Variants in GAS2L3 observed in about 807,000 individuals in gnomAD.
GAS2L3 encodes GAS2-like protein 3.
GAS2L3 carries 28 observed loss-of-function variants against 37.0 expected under a neutral mutation model. The observed-to-expected ratio is 0.76, with a 90% CI of 0.56 to 1.04. The LOEUF is 1.04. Among genes scored for constraint, GAS2L3 ranks in the 50% least tolerant of loss-of-function variants. GAS2L3 has a pLI of 0.00. For missense variants in GAS2L3, 793 were observed against 817.6 expected (o/e 0.97, Z 0.37); for synonymous variants, 290 against 296.6 (o/e 0.98, Z 0.23).
At chr12:100,574,180 G>A (rs1255359951) in intron 1 of GAS2L3, among the ~76,000 whole-genome samples, 2 of 152,198 alleles carry the variant, frequency 1.3e-5, no homozygotes, top group East Asian at 3.9e-4. Flanking sequence ...GGGATCTTCA[G>A]GGGCACCCTC....
intron 1 of GAS2L3, among the ~76,000 whole-genome samples, chr12:100,583,360 A>T (rs1286441672): frequency 6.6e-6 from 1 of 152,252 alleles, no homozygotes; most frequent in Admixed American, 6.5e-5. Context: ...TTTACTTAAG[A>T]TGTAAAAATG....
At chr12:100,581,116 G>A (rs35705) in intron 1 of GAS2L3, among the ~76,000 whole-genome samples, 77,623 of 152,022 alleles carry the variant, frequency 0.51, 20,257 homozygotes, top group South Asian at 0.7. Context: ...AAAAGCCTTC[G>A]TGTTTTCTGA....
At chr12:100,611,657 A>C (rs559213041) in intron 5 of GAS2L3, among the ~76,000 whole-genome samples, 1 of 152,176 alleles carries the variant, frequency 6.6e-6, no homozygotes, top group African/African-American at 2.4e-5. Flanking sequence ...GATCTCTTGC[A>C]TGCACAGTTC....
intron 3 of GAS2L3, among the ~76,000 whole-genome samples, chr12:100,600,081 G>A (rs1955965613): frequency 6.6e-6 from 1 of 152,132 alleles, no homozygotes. Flanking sequence ...TAAAAACTTA[G>A]CTGGGTGTGG....
intron 1 of GAS2L3, chr12:100,579,655 T>A (rs1385804705): frequency 1.3e-6 from 1 of 778,940 alleles, no homozygotes; most frequent in African/African-American, 1.7e-5. Flanking sequence ...GGACATATTT[T>A]TCTTAATACC....
intron 1 of GAS2L3, among the ~76,000 whole-genome samples, chr12:100,576,305 A>G (rs1348088151): frequency 1.3e-5 from 2 of 152,034 alleles, no homozygotes; most frequent in East Asian, 3.9e-4. Flanking sequence ...GGAAAGGTTC[A>G]GTTATTTGGA....
intron 3 of GAS2L3, among the ~76,000 whole-genome samples, chr12:100,595,143 A>G (rs979186446): frequency 7.9e-5 from 12 of 152,072 alleles, no homozygotes; most frequent in African/African-American, 2.6e-4. Flanking sequence ...AAAATACCTT[A>G]GGGTTATCTC....
At chr12:100,617,252 T>C (rs1956199384) in intron 6 of GAS2L3, among the ~76,000 whole-genome samples, 1 of 152,160 alleles carries the variant, frequency 6.6e-6, no homozygotes, top group Admixed American at 6.6e-5. Context: ...TCATAAGACA[T>C]ATTGGGTTTT....
rs762286587 is a variant in GAS2L3, at chr12:100,617,084, G to GT, written c.446-653dup. Among the ~76,000 whole-genome samples the GT allele has an allele frequency of 5.2e-4, 79 of 151,362 alleles. 1 individual carries two copies. The highest frequency in any genetic ancestry group is 6.3e-4 in the South Asian group (3 of 4,762). Reference sequence around the variant, plus strand: ...CTTCTTTGTCTCTTGAGATAATTGGGTTTTTTTCCTTTATTCTGCTAATAG... The same window carrying GT: ...CTTCTTTGTCTCTTGAGATAATTGGGTTTTTTTTCCTTTATTCTGCTAATAG... On this transcript the variant is annotated intron_variant, in intron 6 of 9. Transcript: ENST00000547754.
rs1419469227 is a variant in GAS2L3 at position 100,626,686 on chromosome 12, T to C, written c.*1796T>C. ...AATGGAATTGTAGGCAATTTATGAA[T>C]CCTAGTAGATTTTACAATATGTAAT... On this transcript the variant is annotated 3_prime_UTR_variant, in exon 10 of 10. Coordinates refer to ENST00000547754, the MANE Select transcript of GAS2L3 (RefSeq NM_174942.3). 6.6e-6 allele frequency: 1 copy of C among 152,202 alleles called. No individual in the cohort carries two copies. Among genetic ancestry groups the C allele is most frequent in the Non-Finnish European group, 1.5e-5 (1 of 68,036 alleles). 9.4% of individuals were successfully genotyped at this position (152,202 alleles called of 1,614,324 possible). A position where few individuals can be genotyped will look rare whatever the true frequency, so the allele number is the denominator to read the frequency against.
At chr12:100,574,832 C>T (rs1265048633) in intron 1 of GAS2L3, among the ~76,000 whole-genome samples, 2 of 152,198 alleles carry the variant, frequency 1.3e-5, no homozygotes, top group East Asian at 3.9e-4. Flanking sequence ...CAAATTGGAA[C>T]TGTTTCAAAT....
intron 3 of GAS2L3, among the ~76,000 whole-genome samples, chr12:100,600,164 T>G (rs1439489879): frequency 6.6e-6 from 1 of 152,182 alleles, no homozygotes; most frequent in Non-Finnish European, 1.5e-5. Flanking sequence ...GAGTCAAGGC[T>G]GCAGTGAACC....
At chr12:100,618,717 T>C (rs1201911510) in intron 8 of GAS2L3, 130 bp downstream of exon 8, 2 of 705,764 alleles carry the variant, frequency 2.8e-6, no homozygotes, top group Non-Finnish European at 4.5e-6. Flanking sequence ...AAACCGGTAC[T>C]ATTCTCCATT....
chr12:100,586,394 G>A (rs1955781527), intron 1 of GAS2L3, among the ~76,000 whole-genome samples: 1 of 152,168 alleles, frequency 6.6e-6, no homozygotes, highest in Non-Finnish European at 1.5e-5. Context: ...TCAGACCACA[G>A]AGGAGTAATA....
rs183018565 is a variant in GAS2L3, at chr12:100,586,263, G to A, written c.-151-5473G>A. Among the ~76,000 whole-genome samples the A allele has an allele frequency of 2.4e-3, 358 of 152,250 alleles. 2 individuals carry two copies. The highest frequency in any genetic ancestry group is 8.2e-3 in the African/African-American group (342 of 41,540). On this transcript the variant is annotated intron_variant, in intron 1 of 9. Coordinates refer to ENST00000547754, the MANE Select transcript of GAS2L3 (RefSeq NM_174942.3). Reference sequence around the variant, plus strand: ...ATACAGAACATTTCATCCAACAACAGCAGACAGAATACACATTCTGTTCAA... The same window carrying A: ...ATACAGAACATTTCATCCAACAACAACAGACAGAATACACATTCTGTTCAA...
chr12:100,602,202 A>T (rs1052437881), intron 5 of GAS2L3, among the ~76,000 whole-genome samples: 4 of 151,996 alleles, frequency 2.6e-5, no homozygotes, highest in Admixed American at 2.0e-4. Flanking sequence ...TATTATTATT[A>T]TTTTCTTCTT....
Position 100,578,973 on chromosome 12 carries a change from G to A in GAS2L3, c.-152+5188G>A, listed in dbSNP as rs757115372. On this transcript the variant is annotated intron_variant, in intron 1 of 9. Coordinates refer to ENST00000547754, the MANE Select transcript of GAS2L3 (RefSeq NM_174942.3). ...ATTGTCATCCATGCTTATGGAAATC[G>A]AAAAGGCATCCGTTACCTCACTAAT... is the stretch of plus-strand genomic sequence containing the variant. The A allele has an allele frequency of 1.3e-4, 121 of 898,802 alleles. 1 individual carries two copies. Among genetic ancestry groups the A allele is most frequent in the Middle Eastern group, 2.3e-4 (1 of 4,434 alleles). 55.7% of individuals were successfully genotyped at this position (898,802 alleles called of 1,614,324 possible).
rs1956305416 is a variant in GAS2L3, at chr12:100,624,420, C to T, written c.1615C>T (p.Pro539Ser). 1.9e-6 allele frequency: 3 copies of T among 1,613,910 alleles called. No homozygotes were observed. The change falls in exon 10 of 10, where the codon CCA becomes TCA. Residue 539 changes from proline (P) to serine (S), a missense_variant. By Grantham distance (74) the Pro-to-Ser change is moderately conservative. Transcript: ENST00000547754. The stretch of plus-strand genomic sequence containing the variant: ...CACGGGTCTAGGAACACAGTCTCAA[C>T]CATCCGATGGAGCCCCACAAGCAAA... Reference protein sequence around the residue: ...IATGLGTQSQPSDGAPQAKPV... With the variant: ...IATGLGTQSQSSDGAPQAKPV...
At chr12:100,598,191 C>T (rs974328256) in intron 3 of GAS2L3, among the ~76,000 whole-genome samples, 14 of 152,126 alleles carry the variant, frequency 9.2e-5, no homozygotes, top group Non-Finnish European at 4.4e-5. Flanking sequence ...CCATTTAATA[C>T]GCAGGCCACT....
Sources: allele counts gnomAD v4.1 joint callset (sites outside exome capture counted in the v4.1 genomes callset), GRCh38; gene constraint gnomAD v4.1.1; transcripts MANE v1.5; gene names NCBI Gene and HGNC (gene_info 2026-07-23, HGNC 2026-07-21).